Variants in ZNF236 observed in about 807,000 individuals in gnomAD.
ZNF236 encodes zinc finger protein 236, also known as regulated by glucose.
ZNF236 carries 50 observed loss-of-function variants against 191.2 expected under a neutral mutation model. The ratio of observed to expected loss-of-function variants is 0.26; its 90% CI spans 0.21 to 0.33. The LOEUF (loss-of-function observed/expected upper bound fraction) is 0.33, where lower values mean the gene tolerates loss of function less well. Ranked by LOEUF, ZNF236 falls within the 10% of genes least tolerant of loss-of-function variation. The pLI, the probability that ZNF236 is intolerant of heterozygous loss-of-function variation, is 1.00. For missense variants in ZNF236, 1,754 were observed against 2,374.5 expected (o/e 0.74, Z 5.43); for synonymous variants, 907 against 928.8 (o/e 0.98, Z 0.43).
chr18:76,927,662 G>C lies in ZNF236; in HGVS notation c.4414+145G>C. The C allele has an allele frequency of 8.5e-7, 1 of 1,170,292 alleles. No homozygotes were observed. Among genetic ancestry groups the C allele is most frequent in the Non-Finnish European group, 1.2e-6 (1 of 858,106 alleles). The allele number at this position is 1,170,292 out of a possible 1,614,324, so 72.5% of individuals were successfully genotyped here. A position where few individuals can be genotyped will look rare whatever the true frequency, so the allele number is the denominator to read the frequency against. On this transcript the variant is annotated intron_variant, in intron 24 of 30. Coordinates refer to ENST00000320610, the MANE Select transcript of ZNF236 (RefSeq NM_001306089.2). The surrounding 1 kb of genome is among the most constrained non-coding windows in gnomAD (Gnocchi z 5.4). ...ATCAAATGTCCTGAGAATAAAATAA[G>C]CTTTTCTTACAATTAATGATATGTA...
intron 26 of ZNF236, among the ~76,000 whole-genome samples, chr18:76,937,687 C>G (rs1968037849): frequency 6.6e-6 from 1 of 152,010 alleles, no homozygotes; most frequent in African/African-American, 2.4e-5. Context: ...AAATGATGTA[C>G]ACATCATGTA....
rs538084444 is a variant in ZNF236 at position 76,877,664 on chromosome 18, A to G, written c.841-345A>G. Among the ~76,000 whole-genome samples, 42 of 152,292 alleles carry G rather than the reference A, an allele frequency of 2.8e-4. No homozygotes were observed. The South Asian group carries it at 8.5e-3, about 31-fold the overall frequency. On this transcript the variant is annotated intron_variant, in intron 6 of 30. Coordinates refer to ENST00000320610, the MANE Select transcript of ZNF236 (RefSeq NM_001306089.2). ...TATATATAACTGTCTGGCCTTTGCT[A>G]TTGAACATTGTATTCAACTGTTTAA...
intron 10 of ZNF236, 49 bp downstream of exon 10, chr18:76,895,334 ACACATTACTGCG>A: frequency 6.3e-7 from 1 of 1,589,942 alleles, no homozygotes; most frequent in South Asian, 1.1e-5. Context: ...CGGGGGCCAC[ACACATTACTGCG>A]CACATATACC....
chr18:76,971,255 A>T lies in ZNF236; in HGVS notation c.*2916A>T, dbSNP rs1968904877. On this transcript the variant is annotated 3_prime_UTR_variant, in exon 31 of 31. Transcript: ENST00000320610. Reference sequence around the variant, plus strand: ...TAGATGAAAATGAAGACATGTTTTCAAACATGCAGATTGAAATGCTACCCC... The same window carrying T: ...TAGATGAAAATGAAGACATGTTTTCTAACATGCAGATTGAAATGCTACCCC... Among the ~76,000 whole-genome samples, 1 of 152,250 alleles carries T rather than the reference A, an allele frequency of 6.6e-6. No homozygotes were observed. The highest frequency in any genetic ancestry group is 1.5e-5 in the Non-Finnish European group (1 of 68,040).
intron 4 of ZNF236, 64 bp from the exon 5 acceptor site, chr18:76,871,637 A>G (rs990784516): frequency 8.1e-5 from 129 of 1,585,718 alleles, no homozygotes; most frequent in Non-Finnish European, 1.0e-4. Flanking sequence ...TAGGATTTTC[A>G]TTTTGAAATT....
rs376805241 is a variant in ZNF236 at position 76,927,228 on chromosome 18, C to T, written c.4173+46C>T. 7 of 1,611,538 alleles carry T rather than the reference C, an allele frequency of 4.3e-6. No homozygotes were observed. Among genetic ancestry groups the T allele is most frequent in the Non-Finnish European group, 5.9e-6 (7 of 1,177,928 alleles). ...TCCTGTGCTGTAATTCTCTTGGCAT[C>T]ACAGAGAAGCATGAAGTTTTCATTA... On this transcript the variant is annotated intron_variant, in intron 23 of 30. Transcript: ENST00000320610. This position sits in a 1 kb window ranked among gnomAD's most constrained non-coding sequence, Gnocchi z 5.4.
At chr18:76,878,223 T>C (rs1976769890) in intron 7 of ZNF236, 71 bp downstream of exon 7, 2 of 1,424,808 alleles carry the variant, frequency 1.4e-6, no homozygotes, top group Non-Finnish European at 1.9e-6. Flanking sequence ...CCTTTACAAT[T>C]GAATATTTAG....
At position 76,881,349 on chromosome 18, in the gene ZNF236, T is replaced by C. The variant is rs1387159551; in HGVS notation, c.1254T>C (p.His418=). ...PAAAHPNDSC[H]AKTSAPHAQN... ...CAGCACATCCTAATGACTCCTGCCA[T>C]GCCAAGACCTCTGCACCACACGCTC... Residue 418 remains histidine (H), a synonymous_variant, in exon 9 of 31, where the codon CAT becomes CAC. Transcript: ENST00000320610. 4 of 1,614,032 alleles carry C rather than the reference T, an allele frequency of 2.5e-6. No individual in the cohort carries two copies. The African/African-American group carries it at 5.3e-5, about 22-fold the overall frequency.
chr18:76,904,359 T>G, intron 11 of ZNF236, 21 bp from the exon 12 acceptor site: 1 of 1,584,204 alleles, frequency 6.3e-7, no homozygotes, highest in Non-Finnish European at 8.6e-7. Flanking sequence ...GAATTACATC[T>G]GCTTTTCTTT....
At chr18:76,853,916 G>A (rs990139730) in intron 3 of ZNF236, among the ~76,000 whole-genome samples, 3 of 151,678 alleles carry the variant, frequency 2.0e-5, no homozygotes, top group African/African-American at 7.3e-5. Context: ...AGGCTAAGGC[G>A]GGAGAATCAC....
rs549627136 is a variant in ZNF236, at chr18:76,953,207, C to T, written c.4915-2778C>T. On this transcript the variant is annotated intron_variant, in intron 27 of 30. Coordinates refer to ENST00000320610, the MANE Select transcript of ZNF236 (RefSeq NM_001306089.2). ...GAACTAATTTCTGCCTGACCCTTCCCATAAGGATCAAGAGACCTGACCTAA... is the reference window on the plus strand; with the variant it reads ...GAACTAATTTCTGCCTGACCCTTCCTATAAGGATCAAGAGACCTGACCTAA... Among the ~76,000 whole-genome samples the T allele has an allele frequency of 9.8e-5, 15 of 152,322 alleles. No individual in the cohort carries two copies. The East Asian group carries it at 2.9e-3, about 29-fold the overall frequency.
At position 76,895,181 on chromosome 18, in the gene ZNF236, C is replaced by T; in HGVS notation, c.1586C>T (p.Ala529Val). The T allele has an allele frequency of 6.2e-7, 1 of 1,605,292 alleles. No homozygotes were observed. The highest frequency in any genetic ancestry group is 8.5e-7 in the Non-Finnish European group (1 of 1,179,978). ...RAFAVKSTLT[A>V]HIKTHTGIKA... ...TTCGCCGTGAAGAGCACGCTGACAG[C>T]GCACATCAAGACGCACACCGGCATC... The change falls in exon 10 of 31, where the codon GCG becomes GTG. Residue 529 changes from alanine (A) to valine (V), a missense_variant. Around this residue, in one of 5 missense-constraint regions of ZNF236, gnomAD observed 641 missense variants for 869.6 expected, o/e 0.74. Transcript: ENST00000320610.
intron 13 of ZNF236, among the ~76,000 whole-genome samples, chr18:76,906,640 C>T (rs1376916938): frequency 6.6e-6 from 1 of 152,128 alleles, no homozygotes; most frequent in Non-Finnish European, 1.5e-5. Flanking sequence ...GTGTTCAGGC[C>T]CTTGTTTCCG....
intron 10 of ZNF236, among the ~76,000 whole-genome samples, chr18:76,896,197 C>T (rs541384241): frequency 9.0e-4 from 137 of 151,980 alleles, no homozygotes; most frequent in African/African-American, 3.1e-3. Flanking sequence ...AACACAGGTA[C>T]TACACACAGG....
Position 76,971,899 on chromosome 18 carries a change from G to C in ZNF236, c.*3560G>C, listed in dbSNP as rs1391058812. ...ATGCCTGCTTCTTACATTTTTTTCT[G>C]AAGCTTATTTCAGAATTAATACCGT... On this transcript the variant is annotated 3_prime_UTR_variant, in exon 31 of 31. Coordinates refer to ENST00000320610, the MANE Select transcript of ZNF236 (RefSeq NM_001306089.2). Among the ~76,000 whole-genome samples the C allele has an allele frequency of 6.6e-6, 1 of 152,066 alleles. No individual in the cohort carries two copies. Among genetic ancestry groups the C allele is most frequent in the Non-Finnish European group, 1.5e-5 (1 of 68,014 alleles).
chr18:76,847,018 C>T (rs1048916678), intron 1 of ZNF236, among the ~76,000 whole-genome samples: 2 of 152,122 alleles, frequency 1.3e-5, no homozygotes, highest in African/African-American at 4.8e-5. Flanking sequence ...GTCTCAAACT[C>T]CTGACCTCTG....
intron 18 of ZNF236, among the ~76,000 whole-genome samples, chr18:76,915,397 G>A (rs80112416): frequency 0.017 from 2,551 of 152,192 alleles, 28 homozygotes; most frequent in Middle Eastern, 0.02. Context: ...AGTAGAGAAG[G>A]CAGTAAGATG....
chr18:76,927,406 G>A lies in ZNF236; in HGVS notation c.4303G>A (p.Val1435Ile). The change falls in exon 24 of 31, where the codon GTT becomes ATT. Residue 1435 changes from valine (V) to isoleucine (I), a missense_variant. Around this residue, in one of 5 missense-constraint regions of ZNF236, gnomAD observed 606 missense variants for 761.5 expected, o/e 0.80. Coordinates refer to ENST00000320610, the MANE Select transcript of ZNF236 (RefSeq NM_001306089.2). The surrounding 1 kb of genome is among the most constrained non-coding windows in gnomAD (Gnocchi z 5.4). ...ATCGGACAGCACGGTCCCTGCCAGT[G>A]TTGTCATCCAGCCCATCTCAGGCCT... ...QTSDSTVPASVVIQPISGLSL... is the reference protein window; with the variant it reads ...QTSDSTVPASIVIQPISGLSL... The A allele has an allele frequency of 1.2e-6, 2 of 1,614,200 alleles. No individual in the cohort carries two copies. The highest frequency in any genetic ancestry group is 1.7e-6 in the Non-Finnish European group (2 of 1,180,048).
At chr18:76,942,026 A>C (rs1968144842) in intron 26 of ZNF236, among the ~76,000 whole-genome samples, 1 of 152,252 alleles carries the variant, frequency 6.6e-6, no homozygotes, top group African/African-American at 2.4e-5. Context: ...ATGAACCTAC[A>C]AGAAAATGGC....
Sources: gnomAD v4.1 joint callset for allele counts (sites outside exome capture counted in the v4.1 genomes callset) on GRCh38, gnomAD v4.1.1 for gene constraint, gnomAD v4.1.1 regional missense constraint, Gnocchi (gnomAD v3.1) non-coding constraint, MANE v1.5 for transcripts, NCBI Gene and HGNC (gene_info 2026-07-23, HGNC 2026-07-21) for gene names.